DSCAM: variants seen among roughly 807,000 people sequenced by gnomAD.
DSCAM encodes the protein DS cell adhesion molecule.
In DSCAM, 47 loss-of-function variants were observed where a neutral mutation model predicts 217.7. The observed-to-expected ratio is 0.22, with a 90% CI of 0.17 to 0.28. DSCAM has a LOEUF of 0.28. DSCAM is among the 10% of genes least tolerant of loss of function. DSCAM has a pLI of 1.00. For synonymous variants in DSCAM, 1,056 were observed against 1,015.3 expected (o/e 1.04, Z -0.76); for missense variants, 2,080 against 2,618.3 (o/e 0.79, Z 4.49).
intron 11 of DSCAM, among the ~76,000 whole-genome samples, chr21:40,275,285 G>A (rs2073671877): frequency 6.6e-6 from 1 of 152,068 alleles, no homozygotes; most frequent in Admixed American, 6.6e-5. Flanking sequence ...AGCTTTGATG[G>A]CACCACTGCA....
intron 3 of DSCAM, among the ~76,000 whole-genome samples, chr21:40,503,014 C>T (rs891326351): frequency 1.3e-5 from 2 of 152,266 alleles, no homozygotes; most frequent in South Asian, 2.1e-4. Context: ...GTCTCATTTG[C>T]GACAGTGATG....
chr21:40,836,191 T>C (rs2092054467), intron 1 of DSCAM, among the ~76,000 whole-genome samples: 1 of 152,204 alleles, frequency 6.6e-6, no homozygotes, highest in Non-Finnish European at 1.5e-5. Flanking sequence ...TATGGATCTC[T>C]TGCCTGGAGC....
intron 20 of DSCAM, among the ~76,000 whole-genome samples, chr21:40,102,632 T>G (rs917687737): frequency 2.0e-5 from 3 of 152,224 alleles, no homozygotes; most frequent in Admixed American, 6.5e-5. Flanking sequence ...TTTTCATGTG[T>G]AAGATGCTTT....
chr21:40,483,749 G>A (rs1395446116), intron 3 of DSCAM, among the ~76,000 whole-genome samples: 1 of 152,136 alleles, frequency 6.6e-6, no homozygotes, highest in African/African-American at 2.4e-5. Flanking sequence ...ATAGATTAGT[G>A]TGCCTAGTTC....
intron 3 of DSCAM, among the ~76,000 whole-genome samples, chr21:40,391,078 T>C (rs903408501): frequency 6.6e-6 from 1 of 152,166 alleles, no homozygotes; most frequent in Non-Finnish European, 1.5e-5. Context: ...ACATTTCATA[T>C]TGGATGATGC....
chr21:40,173,671 T>C (rs915803037), intron 15 of DSCAM, among the ~76,000 whole-genome samples: 1 of 152,142 alleles, frequency 6.6e-6, no homozygotes, highest in East Asian at 1.9e-4. Context: ...TTTTATTCCT[T>C]CTGCCCTCAT....
chr21:40,748,901 A>G (rs1454439075), intron 1 of DSCAM, among the ~76,000 whole-genome samples: 3 of 152,148 alleles, frequency 2.0e-5, no homozygotes, highest in Admixed American at 2.0e-4. Flanking sequence ...TGAATGTGAC[A>G]AAATACAGAA....
intron 11 of DSCAM, among the ~76,000 whole-genome samples, chr21:40,215,569 C>T (rs1275884636): frequency 1.3e-5 from 2 of 152,064 alleles, no homozygotes; most frequent in Non-Finnish European, 2.9e-5. Context: ...AAACCAGGTA[C>T]TCATGCTCTC....
At chr21:40,843,124 C>G (rs552342302) in intron 1 of DSCAM, among the ~76,000 whole-genome samples, 81 of 152,266 alleles carry the variant, frequency 5.3e-4, no homozygotes, top group Admixed American at 1.8e-3. Context: ...CCTTAAGGTG[C>G]ATTTGTATTT....
intron 1 of DSCAM, among the ~76,000 whole-genome samples, chr21:40,807,109 GAATCAATCAATC>G (rs138377770): frequency 5.0e-4 from 75 of 151,234 alleles, no homozygotes; most frequent in East Asian, 1.8e-3. Context: ...AAAGTATAAT[GAATCAATCAATC>G]AATCAATCAA....
At chr21:40,052,360 A>G (rs1010294011) in intron 29 of DSCAM, among the ~76,000 whole-genome samples, 1 of 152,216 alleles carries the variant, frequency 6.6e-6, no homozygotes, top group African/African-American at 2.4e-5. Flanking sequence ...TATGCAGAGA[A>G]GGAGCTCTCT....
rs117684481 is a variant in DSCAM at position 40,785,951 on chromosome 21, A to G, written c.43+60668T>C. On this transcript the variant is annotated intron_variant, in intron 1 of 32. Transcript: ENST00000400454. ...GCAATTATCTCATCTAAAAGAAATC[A>G]TCTGGCCGGACACAGTGGCTCATGC... Among the ~76,000 whole-genome samples the G allele has an allele frequency of 2.2e-3, 337 of 152,322 alleles. 10 individuals are homozygous for G. In the East Asian group the frequency reaches 0.059, roughly 27 times the overall value.
At chr21:40,249,479 A>G (rs1024431844) in intron 11 of DSCAM, among the ~76,000 whole-genome samples, 15 of 152,194 alleles carry the variant, frequency 9.9e-5, no homozygotes, top group African/African-American at 2.7e-4. Context: ...ACGTGGAACT[A>G]TAAGTCCAAC....
chr21:40,233,832 C>T (rs1453330830), intron 11 of DSCAM, among the ~76,000 whole-genome samples: 5 of 152,292 alleles, frequency 3.3e-5, no homozygotes, highest in African/African-American at 1.2e-4. Flanking sequence ...TGGTATCACT[C>T]CAATTCACTT....
Position 40,708,775 on chromosome 21 carries a change from C to A in DSCAM, c.44-4G>T. 1.3e-6 allele frequency: 2 copies of A among 1,534,246 alleles called. No individual in the cohort carries two copies. The highest frequency in any genetic ancestry group is 2.6e-5 in the South Asian group (2 of 76,976). ...GAGTGTAGGTCTTCACTGAAAACTG[C>A]AAGAAGACAACACAGGGATCCATAG... On this transcript the variant is annotated splice_polypyrimidine_tract_variant and splice_region_variant and intron_variant, in intron 1 of 32. Transcript: ENST00000400454.
chr21:40,066,642 C>T (rs115662626), intron 27 of DSCAM, among the ~76,000 whole-genome samples: 5,443 of 152,238 alleles, frequency 0.036, 163 homozygotes, highest in African/African-American at 0.076. Flanking sequence ...CACAATTATT[C>T]CTATTAAACT....
intron 3 of DSCAM, among the ~76,000 whole-genome samples, chr21:40,573,772 A>C (rs2076827235): frequency 6.6e-6 from 1 of 152,154 alleles, no homozygotes; most frequent in Non-Finnish European, 1.5e-5. Flanking sequence ...AAAAAATGAA[A>C]AGAATCTATA....
At chr21:40,290,565 G>C (rs368307710) in intron 10 of DSCAM, among the ~76,000 whole-genome samples, 5 of 152,148 alleles carry the variant, frequency 3.3e-5, no homozygotes, top group Non-Finnish European at 7.3e-5. Flanking sequence ...AGGTTGCAGC[G>C]AGCCAAGATC....
chr21:40,284,360 A>G lies in DSCAM; in HGVS notation c.2183-8090T>C, dbSNP rs533086803. Among the ~76,000 whole-genome samples the G allele has an allele frequency of 2.6e-5, 4 of 152,314 alleles. No individual in the cohort carries two copies. In the South Asian group the frequency reaches 8.3e-4, roughly 32 times the overall value. On this transcript the variant is annotated intron_variant, in intron 10 of 32. Coordinates refer to ENST00000400454, the MANE Select transcript of DSCAM (RefSeq NM_001389.5). ...TTCCACCACTGTGCAGGTAATATTT[A>G]TGACACTGAAAGTTTGTGTCAGATG...
Sources: allele counts gnomAD v4.1 joint callset (sites outside exome capture counted in the v4.1 genomes callset), GRCh38; gene constraint gnomAD v4.1.1; transcripts MANE v1.5; gene names NCBI Gene and HGNC (gene_info 2026-07-23, HGNC 2026-07-21).